The following CD36 variants were observed in gnomAD, a reference collection of about 807,000 sequenced individuals.
CD36 encodes the protein CD36 molecule (CD36 blood group), also known as platelet glycoprotein 4.
A neutral mutation model predicts 55.2 loss-of-function variants in CD36; 119 were observed. That is an observed-to-expected ratio of 2.15 (90% confidence interval 1.86 to 2.51). The LOEUF (loss-of-function observed/expected upper bound fraction) is 2.51, where lower values mean the gene tolerates loss of function less well. Among genes scored for constraint, CD36 ranks in the 30% most tolerant of loss-of-function variants. The pLI, the probability that CD36 is intolerant of heterozygous loss-of-function variation, is 0.00. For synonymous variants in CD36, 186 were observed against 193.6 expected (o/e 0.96, Z 0.33); for missense variants, 819 against 555.5 (o/e 1.47, Z -4.77).
chr7:80,656,744 T>C (rs1240550552), intron 4 of CD36, 44 bp downstream of exon 4: 12 of 1,562,846 alleles, frequency 7.7e-6, no homozygotes, highest in Admixed American at 1.7e-5. Flanking sequence ...ACCTTGACCA[T>C]GTATTTCTGA....
chr7:80,673,606 AAAATGCATCTATTAAACAC>A, intron 13 of CD36, 197 bp downstream of exon 13: 1 of 572,784 alleles, frequency 1.7e-6, no homozygotes, highest in African/African-American at 1.9e-5. Flanking sequence ...ATTTTCTTCA[AAAATGCATCTATTAAACAC>A]ATTTTCTTGT....
chr7:80,630,494 A>T (rs1217398186), intron 1 of CD36, among the ~76,000 whole-genome samples: 1 of 152,090 alleles, frequency 6.6e-6, no homozygotes, highest in African/African-American at 2.4e-5. Context: ...AAAGAAGAAA[A>T]AATTAAGAGA....
intron 1 of CD36, among the ~76,000 whole-genome samples, chr7:80,604,111 A>T (rs1792397669): frequency 6.6e-6 from 1 of 152,018 alleles, no homozygotes; most frequent in African/African-American, 2.4e-5. Flanking sequence ...GCCACCTGTG[A>T]GGAGCAAGAG....
At chr7:80,652,713 T>C (rs1438079033) in intron 3 of CD36, among the ~76,000 whole-genome samples, 1 of 152,204 alleles carries the variant, frequency 6.6e-6, no homozygotes, top group Admixed American at 6.5e-5. Flanking sequence ...ATATAAGTTA[T>C]TGGCACATGA....
upstream of CD36, among the ~76,000 whole-genome samples, chr7:80,636,496 A>C (rs1207128199): frequency 6.6e-6 from 1 of 150,772 alleles, no homozygotes; most frequent in African/African-American, 2.4e-5. Context: ...ATTTAAACTT[A>C]CATCCTTCCA....
intron 1 of CD36, among the ~76,000 whole-genome samples, chr7:80,631,036 C>A (rs1282605402): frequency 2.0e-5 from 3 of 152,006 alleles, no homozygotes; most frequent in Non-Finnish European, 4.4e-5. Context: ...GCTCCAAAAA[C>A]CAACAAAACA....
At chr7:80,647,238 T>G in intron 3 of CD36, 1 of 267,712 alleles carries the variant, frequency 3.7e-6, no homozygotes, top group South Asian at 4.0e-5. Context: ...GCACTTTAGT[T>G]AATACTGAGA....
intron 3 of CD36, among the ~76,000 whole-genome samples, chr7:80,647,903 G>T (rs1051033531): frequency 4.6e-5 from 7 of 152,098 alleles, no homozygotes; most frequent in Admixed American, 2.0e-4. Context: ...CATAGTGCAC[G>T]ATGGAGAACA....
intron 8 of CD36, among the ~76,000 whole-genome samples, chr7:80,669,714 C>G (rs1405621657): frequency 6.6e-6 from 1 of 152,144 alleles, no homozygotes; most frequent in African/African-American, 2.4e-5. Flanking sequence ...CCAGGCTGGT[C>G]TCAAACCCCT....
upstream of CD36, among the ~76,000 whole-genome samples, chr7:80,637,278 T>A (rs147854660): frequency 7.9e-5 from 12 of 152,138 alleles, no homozygotes; most frequent in East Asian, 2.3e-3. Context: ...AAATAATATG[T>A]CTTTATACTA....
chr7:80,674,225 T>A, intron 14 of CD36, 78 bp downstream of exon 14: 1 of 1,006,074 alleles, frequency 9.9e-7, no homozygotes, highest in Non-Finnish European at 1.5e-6. Context: ...AAAGAGAAGT[T>A]ACATATTAGG....
At chr7:80,673,785 G>A (rs1366168855) in intron 13 of CD36, 198 bp from the exon 14 acceptor site, 1 of 606,224 alleles carries the variant, frequency 1.6e-6, no homozygotes, top group East Asian at 2.8e-5. Flanking sequence ...ATGAATCCTA[G>A]TACATTGAAG....
intron 11 of CD36, 58 bp from the exon 12 acceptor site, chr7:80,672,711 TG>T: frequency 8.4e-7 from 1 of 1,196,400 alleles, no homozygotes; most frequent in Non-Finnish European, 1.2e-6. Flanking sequence ...AAATAAGTTT[TG>T]AATAGTATAA....
intron 8 of CD36, among the ~76,000 whole-genome samples, chr7:80,667,964 G>A (rs906493067): frequency 3.3e-5 from 5 of 151,870 alleles, no homozygotes; most frequent in Non-Finnish European, 5.9e-5. Context: ...GGCCAGGATG[G>A]TCTTGATCTC....
chr7:80,657,383 T>C (rs1207729838), intron 4 of CD36, among the ~76,000 whole-genome samples: 1 of 152,234 alleles, frequency 6.6e-6, no homozygotes, highest in Non-Finnish European at 1.5e-5. Flanking sequence ...TTTACATTGA[T>C]CTATTTTAGT....
intron 14 of CD36, among the ~76,000 whole-genome samples, chr7:80,675,133 C>T (rs1434149159): frequency 6.6e-6 from 1 of 152,108 alleles, no homozygotes; most frequent in African/African-American, 2.4e-5. Context: ...TCACTTCTAC[C>T]ACTATTTAGT....
Position 80,672,768 on chromosome 7 carries a change from A to G in CD36, c.1126-2A>G. The G allele has an allele frequency of 1.3e-6, 2 of 1,599,926 alleles. No homozygotes were observed. The highest frequency in any genetic ancestry group is 1.7e-6 in the Non-Finnish European group (2 of 1,169,138). ...GTAATTATTTAGTTGTTCTCTTTTT[A>G]GATAACTGGATTCACTTTACAATTT... On this transcript the variant is annotated splice_acceptor_variant, in intron 11 of 14. Transcript: ENST00000447544. LOFTEE classifies it high-confidence loss of function.
At chr7:80,657,146 G>A (rs953169721) in intron 4 of CD36, among the ~76,000 whole-genome samples, 1 of 152,104 alleles carries the variant, frequency 6.6e-6, no homozygotes, top group African/African-American at 2.4e-5. Context: ...CCACAGCAAA[G>A]TGCTGGGCCA....
intron 1 of CD36, among the ~76,000 whole-genome samples, chr7:80,604,636 T>C (rs1792441780): frequency 6.6e-6 from 1 of 151,752 alleles, no homozygotes; most frequent in Non-Finnish European, 1.5e-5. Flanking sequence ...AGAGGGGACA[T>C]AGGAGACAGC....
Sources: gnomAD v4.1 joint callset for allele counts (sites outside exome capture counted in the v4.1 genomes callset) on GRCh38, gnomAD v4.1.1 for gene constraint, MANE v1.5 for transcripts, NCBI Gene and HGNC (gene_info 2026-07-23, HGNC 2026-07-21) for gene names.